AP3D1: variants seen among roughly 807,000 people sequenced by gnomAD.
AP3D1 encodes adaptor related protein complex 3 subunit delta 1, also known as AP-3 complex subunit delta-1.
AP3D1 carries 51 observed loss-of-function variants against 147.6 expected under a neutral mutation model. The observed-to-expected ratio is 0.35, with a 90% CI of 0.28 to 0.44. The LOEUF (loss-of-function observed/expected upper bound fraction) is 0.44, where lower values mean the gene tolerates loss of function less well. Among genes scored for constraint, AP3D1 ranks in the 20% least tolerant of loss-of-function variants. AP3D1 has a pLI of 1.00. For synonymous variants in AP3D1, 760 were observed against 663.0 expected, an observed-to-expected ratio of 1.15 and a Z score of -2.25; for missense variants, 1,421 against 1,624.2, an observed-to-expected ratio of 0.87 and a Z score of 2.15.
chr19:2,118,553 A>C (rs775680438), intron 15 of AP3D1, 48 bp downstream of exon 15: 1 of 1,561,388 alleles, frequency 6.4e-7, no homozygotes, highest in East Asian at 2.3e-5. Context: ...ACAGAAAGGC[A>C]CTGAGGGCTC....
chr19:2,118,013 A>G (rs1296677264), intron 15 of AP3D1, among the ~76,000 whole-genome samples: 1 of 152,142 alleles, frequency 6.6e-6, no homozygotes, highest in Non-Finnish European at 1.5e-5. Context: ...TACAAAAATT[A>G]GCCGGGCGTG....
chr19:2,153,624 G>C (rs775382150), upstream of AP3D1, among the ~76,000 whole-genome samples: 23 of 151,018 alleles, frequency 1.5e-4, no homozygotes, highest in Non-Finnish European at 3.2e-4. Flanking sequence ...GCAGTGAGCT[G>C]AGATTGCCCC....
intron 8 of AP3D1, among the ~76,000 whole-genome samples, chr19:2,128,478 TCCGACACTGCACCCCGTGGAGCCGGCCCG>T (rs1568294658): frequency 7.1e-5 from 6 of 84,050 alleles, no homozygotes; most frequent in African/African-American, 3.4e-4. Context: ...CCCCCGCCGC[TCCGACACTGCACCCCGTGGAGCCGGCCCG>T]CCCCACAGCT....
At chr19:2,116,960 C>T (rs138840550) in intron 16 of AP3D1, 15 of 832,700 alleles carry the variant, frequency 1.8e-5, no homozygotes, top group Middle Eastern at 3.7e-4. Flanking sequence ...GGGGCCCCCA[C>T]GGCAGGCTCA....
chr19:2,154,563 C>T (rs548527197), upstream of AP3D1, among the ~76,000 whole-genome samples: 1 of 152,336 alleles, frequency 6.6e-6, no homozygotes, highest in East Asian at 1.9e-4. Context: ...AGTCGTGAGC[C>T]ACCACGCCCC....
chr19:2,133,619 T>G (rs2019005269), intron 4 of AP3D1: 1 of 152,102 alleles, frequency 6.6e-6, no homozygotes, highest in Admixed American at 6.5e-5. Flanking sequence ...ATTCTCTGCC[T>G]CAGCCTCCCA....
chr19:2,162,344 G>C (rs2144611199), intron 1 of AP3D1, among the ~76,000 whole-genome samples: 1 of 134,390 alleles, frequency 7.4e-6, no homozygotes, highest in South Asian at 2.4e-4. Flanking sequence ...CCCCTGTTGA[G>C]ATCTTGATCA....
At chr19:2,113,098 G>C in intron 23 of AP3D1, 131 bp from the exon 24 acceptor site, 1 of 669,908 alleles carries the variant, frequency 1.5e-6, no homozygotes. Flanking sequence ...AGTGCCCTCC[G>C]AGTGACAGGG....
chr19:2,136,857 G>A (rs1219679233), intron 4 of AP3D1, among the ~76,000 whole-genome samples, 154 bp downstream of exon 4: 5 of 152,202 alleles, frequency 3.3e-5, no homozygotes, highest in Non-Finnish European at 7.3e-5. Context: ...TCCTCTCTGC[G>A]TCTGCTGGGA....
rs2018362668 is a variant in AP3D1 at position 2,114,039 on chromosome 19, T to C, written c.2601+86A>G. 6.1e-6 allele frequency: 9 copies of C among 1,475,520 alleles called. No homozygotes were observed. In the South Asian group the frequency reaches 1.0e-4, roughly 17 times the overall value. 91.4% of individuals were successfully genotyped at this position (1,475,520 alleles called of 1,614,324 possible). A position where few individuals can be genotyped will look rare whatever the true frequency, so the allele number is the denominator to read the frequency against. On this transcript the variant is annotated intron_variant, in intron 22 of 31. Coordinates refer to ENST00000643116, the MANE Select transcript of AP3D1 (RefSeq NM_001261826.3). ...GCTGCCTGACTCAGACTCACAGCCA[T>C]TTCCCCTGAGCTCACCGCTGTCTCC...
intron 1 of AP3D1, among the ~76,000 whole-genome samples, chr19:2,147,129 G>C (rs2019377017): frequency 6.6e-6 from 1 of 152,170 alleles, no homozygotes; most frequent in Admixed American, 6.5e-5. Context: ...TGGATCACCT[G>C]AGGTCGGGAG....
chr19:2,146,763 G>A (rs553015220), intron 1 of AP3D1, among the ~76,000 whole-genome samples: 15 of 152,212 alleles, frequency 9.9e-5, no homozygotes, highest in African/African-American at 2.2e-4. Context: ...TGGACAACAG[G>A]GACGCATTCG....
rs192016469 is a variant in AP3D1, at chr19:2,159,743, C to T, written c.-103+4613G>A. 1.6e-3 allele frequency among the ~76,000 whole-genome samples: 240 copies of T among 151,138 alleles called. 3 individuals carry two copies. Among genetic ancestry groups the T allele is most frequent in the Non-Finnish European group, 8.6e-4 (58 of 67,728 alleles). ...TGAGACGGAGTCTTGTTCTGTCTCC[C>T]AGGCTGGAGTGCAGTGGCGCTATCT... On this transcript the variant is annotated intron_variant, in intron 1 of 14. Transcript: ENST00000643010.
At chr19:2,112,652 C>G (rs971523053) in intron 24 of AP3D1, 5 of 534,994 alleles carry the variant, frequency 9.3e-6, no homozygotes, top group South Asian at 2.7e-5. Flanking sequence ...TGAATAAACT[C>G]TATGAGACTT....
intron 25 of AP3D1, 79 bp from the exon 26 acceptor site, chr19:2,111,411 C>A: frequency 6.5e-7 from 1 of 1,544,374 alleles, no homozygotes; most frequent in East Asian, 2.3e-5. Flanking sequence ...CCCAATACCC[C>A]AGGTCGAATG....
In AP3D1 at chr19:2,115,350, CCTT is replaced by C. The variant is rs1401450864; in HGVS notation, c.2215_2217del (p.Lys739del). ...TCCTTCCTCTTTTTCCTCCTCTTGT[CCTT>C]CTCCAGCTTCTGCCGGTGCCGCCGC... On this transcript the variant is annotated inframe_deletion, in exon 20 of 32. Coordinates refer to ENST00000643116, the MANE Select transcript of AP3D1 (RefSeq NM_001261826.3). 3 of 1,608,780 alleles carry C rather than the reference CCTT, an allele frequency of 1.9e-6. No individual in the cohort carries two copies. Among genetic ancestry groups the C allele is most frequent in the Admixed American group, 3.3e-5 (2 of 60,004 alleles).
chr19:2,129,294 G>A (rs1306425017), intron 7 of AP3D1, 24 bp downstream of exon 7: 12 of 1,613,306 alleles, frequency 7.4e-6, no homozygotes, highest in African/African-American at 5.4e-5. Context: ...GGGTGAGGAG[G>A]CCACATTCCC....
Position 2,121,331 on chromosome 19 carries a change from CAGT to C in AP3D1, c.1102-23_1102-21del. The stretch of plus-strand genomic sequence containing the variant: ...GGACACCTGGGCAAAAGTGTACAGA[CAGT>C]GGTGAGAGCGGACCCAGCCTGGGGC... On this transcript the variant is annotated intron_variant, in intron 12 of 31. Coordinates refer to ENST00000643116, the MANE Select transcript of AP3D1 (RefSeq NM_001261826.3). The C allele has an allele frequency of 1.9e-6, 3 of 1,613,564 alleles. No individual in the cohort carries two copies. Among genetic ancestry groups the C allele is most frequent in the Non-Finnish European group, 1.7e-6 (2 of 1,179,792 alleles).
In AP3D1 at chr19:2,118,678, C is replaced by T. The variant is rs370017663; in HGVS notation, c.1636G>A (p.Ala546Thr). ...QKEQAGEAEGAQAVTQLMVDR... is the reference protein window; with the variant it reads ...QKEQAGEAEGTQAVTQLMVDR... Reference sequence around the variant, plus strand: ...ACCATGAGCTGGGTGACGGCCTGAGCGCCCTCTGCCTCCCCGGCCTGCTCC... The same window carrying T: ...ACCATGAGCTGGGTGACGGCCTGAGTGCCCTCTGCCTCCCCGGCCTGCTCC... The change falls in exon 15 of 32, where the codon GCT becomes ACT. Residue 546 changes from alanine (A) to threonine (T), a missense_variant. By Grantham distance (58) the Ala-to-Thr change is moderately conservative. Transcript: ENST00000643116. 2.2e-5 allele frequency: 36 copies of T among 1,612,998 alleles called. No individual in the cohort carries two copies. The highest frequency in any genetic ancestry group is 5.5e-5 in the South Asian group (5 of 91,086).
Sources: gnomAD v4.1 joint callset for allele counts (sites outside exome capture counted in the v4.1 genomes callset) on GRCh38, gnomAD v4.1.1 for gene constraint, MANE v1.5 for transcripts, NCBI Gene and HGNC (gene_info 2026-07-23, HGNC 2026-07-21) for gene names.